Variants in TAF3 observed in about 807,000 individuals in gnomAD.
TAF3 encodes the protein TATA-box binding protein associated factor 3, also known as transcription initiation factor TFIID subunit 3.
A neutral mutation model predicts 80.6 loss-of-function variants in TAF3; 7 were observed. That is an observed-to-expected ratio of 0.09 (90% CI 0.05 to 0.16). TAF3 has a LOEUF of 0.16. Among genes scored for constraint, TAF3 ranks in the 10% least tolerant of loss-of-function variants. The pLI is 1.00. For missense variants in TAF3, 921 were observed against 1,140.2 expected (o/e 0.81, Z 2.77); for synonymous variants, 444 against 446.1 (o/e 1.00, Z 0.06).
At chr10:7,857,910 A>ATTTTTTTTTTTTT (rs140922817) in intron 2 of TAF3, among the ~76,000 whole-genome samples, 1 of 138,544 alleles carries the variant, frequency 7.2e-6, no homozygotes. Context: ...AACATTTCTG[A>ATTTTTTTTTTTTT]TTTTTTTTTT....
At chr10:7,999,957 G>C (rs1831927495) in intron 4 of TAF3, among the ~76,000 whole-genome samples, 1 of 152,208 alleles carries the variant, frequency 6.6e-6, no homozygotes, top group Admixed American at 6.5e-5. Context: ...CATTTGCCTG[G>C]AAGGCTTTTT....
intron 2 of TAF3, among the ~76,000 whole-genome samples, chr10:7,868,164 G>T (rs975962399): frequency 6.6e-6 from 1 of 152,080 alleles, no homozygotes; most frequent in Non-Finnish European, 1.5e-5. Flanking sequence ...TGTTGTTCAA[G>T]GGTCAACTGT....
At position 7,860,648 on chromosome 10, in the gene TAF3, C is replaced by T. The variant is rs993280278; in HGVS notation, c.409+36088C>T. ...ACTTAACAGAATGACTCATTGTCAC[C>T]TACAAAAGGTACCAATTAAATTTTT... On this transcript the variant is annotated intron_variant, in intron 2 of 6. Transcript: ENST00000344293. Among the ~76,000 whole-genome samples, 4 of 152,126 alleles carry T rather than the reference C, an allele frequency of 2.6e-5. No homozygotes were observed. The South Asian group carries it at 6.2e-4, about 24-fold the overall frequency.
intron 2 of TAF3, among the ~76,000 whole-genome samples, chr10:7,899,274 T>C (rs1407862468): frequency 6.6e-6 from 1 of 152,132 alleles, no homozygotes; most frequent in Non-Finnish European, 1.5e-5. Context: ...CCTCCTTCCC[T>C]TCCCCAGATG....
Position 7,824,491 on chromosome 10 carries a change from A to G in TAF3, c.340A>G (p.Ser114Gly). 1.2e-6 allele frequency: 2 copies of G among 1,614,212 alleles called. No individual in the cohort carries two copies. The highest frequency in any genetic ancestry group is 2.2e-5 in the East Asian group (1 of 44,876). The change falls in exon 2 of 7, where the codon AGT (serine) becomes GGT (glycine). Residue 114 changes from serine (S) to glycine (G), a missense_variant. Physicochemically the swap from Ser to Gly is moderately conservative, Grantham distance 56. Coordinates refer to ENST00000344293, the MANE Select transcript of TAF3 (RefSeq NM_031923.4). ...TGTACTTCAGTTTCCTCAACCTGGA[A>G]GTAAAGATGCAGAGGAAAGAAAAGA... The part of the protein sequence containing the change: ...NNVLQFPQPG[S>G]KDAEERKEYI...
intron 5 of TAF3, 49 bp from the exon 6 acceptor site, chr10:8,013,682 T>A: frequency 6.5e-7 from 1 of 1,541,312 alleles, no homozygotes; most frequent in Non-Finnish European, 9.0e-7. Context: ...TCTTTTTGTT[T>A]TTTTTCCCAT....
At chr10:7,897,262 G>A (rs996150794) in intron 2 of TAF3, among the ~76,000 whole-genome samples, 3 of 152,142 alleles carry the variant, frequency 2.0e-5, no homozygotes, top group Non-Finnish European at 2.9e-5. Context: ...CCAGGTCGCC[G>A]GGGGGTCACT....
At chr10:7,851,168 G>A (rs1184089520) in intron 2 of TAF3, among the ~76,000 whole-genome samples, 1 of 152,206 alleles carries the variant, frequency 6.6e-6, no homozygotes. Context: ...GTGTGGGAAG[G>A]AAAGTTGCAA....
chr10:7,870,707 TTCTC>T (rs978027388), intron 2 of TAF3, among the ~76,000 whole-genome samples: 2 of 152,164 alleles, frequency 1.3e-5, no homozygotes, highest in African/African-American at 4.8e-5. Flanking sequence ...CCTTCACTTC[TTCTC>T]TAAGTCCTTT....
chr10:7,892,367 T>C (rs1837464024), intron 2 of TAF3, among the ~76,000 whole-genome samples: 1 of 152,214 alleles, frequency 6.6e-6, no homozygotes, highest in African/African-American at 2.4e-5. Flanking sequence ...GTTCCTTTCT[T>C]CAAGTACAGA....
intron 2 of TAF3, among the ~76,000 whole-genome samples, chr10:7,909,904 C>G (rs1006042193): frequency 6.6e-6 from 1 of 152,130 alleles, no homozygotes; most frequent in Non-Finnish European, 1.5e-5. Context: ...CCTGCAGATA[C>G]CCAGCTCCAC....
At chr10:7,944,605 A>G (rs1048517473) in intron 2 of TAF3, among the ~76,000 whole-genome samples, 2 of 152,204 alleles carry the variant, frequency 1.3e-5, no homozygotes, top group African/African-American at 2.4e-5. Context: ...TTTCAAATGT[A>G]CCATAGTTAT....
chr10:7,886,283 A>T (rs545397936), intron 2 of TAF3, among the ~76,000 whole-genome samples: 1 of 152,164 alleles, frequency 6.6e-6, no homozygotes, highest in East Asian at 1.9e-4. Context: ...CCGCTCCCTA[A>T]TGTTTACCAA....
chr10:7,940,565 G>A (rs1837966643), intron 2 of TAF3, among the ~76,000 whole-genome samples: 1 of 152,192 alleles, frequency 6.6e-6, no homozygotes, highest in African/African-American at 2.4e-5. Context: ...TTGAGGAATG[G>A]ATAGTGCAAA....
intron 4 of TAF3, among the ~76,000 whole-genome samples, chr10:7,985,659 C>T (rs995666964): frequency 2.0e-5 from 3 of 152,186 alleles, no homozygotes; most frequent in African/African-American, 7.2e-5. Flanking sequence ...GAACATGCAG[C>T]AGCTCTTATT....
chr10:7,915,131 G>A (rs746106549), intron 2 of TAF3, among the ~76,000 whole-genome samples: 40 of 150,864 alleles, frequency 2.7e-4, no homozygotes, highest in Non-Finnish European at 5.6e-4. Flanking sequence ...TAGTAGAGAC[G>A]GGGTTTCACC....
chr10:7,917,943 G>A (rs1837727130), intron 2 of TAF3, among the ~76,000 whole-genome samples: 1 of 152,188 alleles, frequency 6.6e-6, no homozygotes, highest in African/African-American at 2.4e-5. Flanking sequence ...AAGGTAGGAA[G>A]GAGCAACAGG....
chr10:7,914,216 A>C (rs925939076), intron 2 of TAF3, among the ~76,000 whole-genome samples: 13 of 152,238 alleles, frequency 8.5e-5, no homozygotes, highest in African/African-American at 3.1e-4. Context: ...TTCTATTAGA[A>C]ATACGTATGG....
chr10:7,964,288 G>A lies in TAF3; in HGVS notation c.778G>A (p.Ala260Thr). ...APVAKSQMPT[A>T]KPLETKSFTP... The stretch of plus-strand genomic sequence containing the variant: ...AGTTGCAAAATCACAAATGCCAACT[G>A]CAAAACCATTAGAAACAAAGTCATT... Residue 260 changes from alanine to threonine, a missense_variant, in exon 3 of 7, where the codon GCA becomes ACA. Transcript: ENST00000344293. This position sits in a 1 kb window ranked among gnomAD's most constrained non-coding sequence, Gnocchi z 4.1. 1 of 1,614,162 alleles carries A rather than the reference G, an allele frequency of 6.2e-7. No homozygotes were observed. Among genetic ancestry groups the A allele is most frequent in the Non-Finnish European group, 8.5e-7 (1 of 1,180,028 alleles).
Sources: gnomAD v4.1 joint callset for allele counts (sites outside exome capture counted in the v4.1 genomes callset) on GRCh38, gnomAD v4.1.1 for gene constraint, Gnocchi (gnomAD v3.1) non-coding constraint, MANE v1.5 for transcripts, NCBI Gene and HGNC (gene_info 2026-07-23, HGNC 2026-07-21) for gene names.